MIB1: variants seen among roughly 807,000 people sequenced by gnomAD.
MIB1 encodes the protein E3 ubiquitin-protein ligase MIB1.
In MIB1, 278 loss-of-function variants were observed where a neutral mutation model predicts 124.5. That is an observed-to-expected ratio of 2.23 (90% CI 2.02 to 2.47). The LOEUF is 2.47. Ranked by LOEUF, MIB1 falls within the 30% of genes most tolerant of loss-of-function variation. The pLI is 0.00. For missense variants in MIB1, 957 were observed against 1,254.4 expected (o/e 0.76, Z 3.58); for synonymous variants, 446 against 429.4 (o/e 1.04, Z -0.48).
chr18:21,808,266 T>C (rs954807462), intron 10 of MIB1, among the ~76,000 whole-genome samples: 2 of 152,206 alleles, frequency 1.3e-5, no homozygotes, highest in Middle Eastern at 3.4e-3. Context: ...CTCAAGAGAG[T>C]ATAGATCAGG....
At chr18:21,746,683 A>G (rs1402260437) in intron 1 of MIB1, among the ~76,000 whole-genome samples, 1 of 152,196 alleles carries the variant, frequency 6.6e-6, no homozygotes, top group Non-Finnish European at 1.5e-5. Context: ...AATGGAGAAA[A>G]TGAATGTAGA....
intron 7 of MIB1, among the ~76,000 whole-genome samples, chr18:21,797,693 A>AT (rs923707476): frequency 1.3e-5 from 2 of 151,952 alleles, no homozygotes; most frequent in Non-Finnish European, 2.9e-5. Context: ...TTATTTTTTT[A>AT]TTTTTTGTTT....
In MIB1 at chr18:21,713,923, C is replaced by T. The variant is rs998978557; in HGVS notation, n.167+8800C>T. Among the ~76,000 whole-genome samples the T allele has an allele frequency of 2.0e-5, 3 of 152,070 alleles. 1 individual carries two copies. The highest frequency in any genetic ancestry group is 4.4e-5 in the Non-Finnish European group (3 of 68,024). Reference sequence around the variant, plus strand: ...CCCATTTTCCATTTTTTAAATTACACAGGAAATTCATTAAGTCACATTCCT... The same window carrying T: ...CCCATTTTCCATTTTTTAAATTACATAGGAAATTCATTAAGTCACATTCCT... On this transcript the variant is annotated intron_variant and non_coding_transcript_variant, in intron 1 of 20. Coordinates refer to the MIB1 transcript ENST00000578646.
intron 3 of MIB1, among the ~76,000 whole-genome samples, chr18:21,770,484 T>C (rs2146413361): frequency 6.6e-6 from 1 of 152,302 alleles, no homozygotes; most frequent in South Asian, 2.1e-4. Context: ...TCTTCCTTTT[T>C]GTTTTTCTAA....
Position 21,849,225 on chromosome 18 carries a change from TGATTAGTA to T in MIB1, c.2424_2431del (p.Met808IlefsTer2), listed in dbSNP as rs762382108. The T allele has an allele frequency of 6.3e-7, 1 of 1,592,348 alleles. No individual in the cohort carries two copies. The highest frequency in any genetic ancestry group is 8.5e-7 in the Non-Finnish European group (1 of 1,170,798). ...CAAGTGGGTTCTCGGAGTCCTTCTA[TGATTAGTA>T]ATGATTCTGAAACCTTAGAAGAGTG... On this transcript the variant is annotated frameshift_variant, in exon 17 of 21. Coordinates refer to ENST00000261537, the MANE Select transcript of MIB1 (RefSeq NM_020774.4). LOFTEE classifies it high-confidence loss of function.
chr18:21,766,542 T>C (rs1270582556), intron 2 of MIB1, among the ~76,000 whole-genome samples: 2 of 152,170 alleles, frequency 1.3e-5, no homozygotes, highest in African/African-American at 2.4e-5. Context: ...TCTTCTCATG[T>C]AGATACAGAT....
rs57360671 is a variant in MIB1, at chr18:21,840,627, GTATATATATATATATA to G, written c.1962+2154_1962+2169del. Among the ~76,000 whole-genome samples the G allele has an allele frequency of 9.2e-4, 102 of 110,614 alleles. 1 individual carries two copies. The highest frequency in any genetic ancestry group is 3.5e-3 in the African/African-American group (94 of 27,136). The allele number at this position is 110,614 out of a possible 152,430, so 72.6% of individuals were successfully genotyped here. A position where few individuals can be genotyped will look rare whatever the true frequency, so the allele number is the denominator to read the frequency against. On this transcript the variant is annotated intron_variant, in intron 13 of 20. Transcript: ENST00000261537. The stretch of plus-strand genomic sequence containing the variant: ...AACATTGTGAGATCTCATCTCTACT[GTATATATATATATATA>G]TATATATATATATATATATATATTT...
chr18:21,725,992 C>A (rs143426502), intron 1 of MIB1, among the ~76,000 whole-genome samples: 1 of 152,266 alleles, frequency 6.6e-6, no homozygotes, highest in Admixed American at 6.5e-5. Flanking sequence ...AACTCTCAAA[C>A]AGTTTGTTTT....
intron 1 of MIB1, among the ~76,000 whole-genome samples, chr18:21,729,866 T>C (rs1409030827): frequency 6.6e-6 from 1 of 152,248 alleles, no homozygotes; most frequent in Non-Finnish European, 1.5e-5. Flanking sequence ...TTCTTAATAC[T>C]ATCACATTGG....
intron 10 of MIB1, among the ~76,000 whole-genome samples, chr18:21,810,169 C>T (rs2041754818): frequency 6.6e-6 from 1 of 151,968 alleles, no homozygotes. Flanking sequence ...GAATAAAATA[C>T]TTAGGCATGA....
upstream of MIB1, among the ~76,000 whole-genome samples, chr18:21,738,162 A>G (rs904701347): frequency 5.3e-5 from 8 of 152,164 alleles, no homozygotes; most frequent in African/African-American, 1.2e-4. Context: ...CTAGCTGGTT[A>G]TTCTGCATAA....
intron 20 of MIB1, among the ~76,000 whole-genome samples, chr18:21,860,137 C>G (rs117982127): frequency 0.02 from 1,847 of 90,318 alleles, 28 homozygotes; most frequent in East Asian, 0.085. Context: ...GAGTCTCACT[C>G]TCACCCAGGC....
At chr18:21,746,264 A>G (rs1031985642) in intron 1 of MIB1, among the ~76,000 whole-genome samples, 2 of 152,068 alleles carry the variant, frequency 1.3e-5, no homozygotes, top group African/African-American at 4.8e-5. Context: ...TTCTGATACG[A>G]TTTTTCTCAC....
At chr18:21,768,580 C>T in intron 2 of MIB1, 43 bp from the exon 3 acceptor site, 1 of 1,346,056 alleles carries the variant, frequency 7.4e-7, no homozygotes. Flanking sequence ...ATTATTGTTA[C>T]CTATTTTTAT....
At chr18:21,722,041 T>C (rs1568176073) in intron 1 of MIB1, among the ~76,000 whole-genome samples, 1 of 151,832 alleles carries the variant, frequency 6.6e-6, no homozygotes, top group Non-Finnish European at 1.5e-5. Flanking sequence ...GATAGCTTCT[T>C]AATCTTTCCG....
chr18:21,794,442 C>CCTCTCTCTCTCTCTCTCTCTCT (rs147293733), intron 7 of MIB1, among the ~76,000 whole-genome samples: 1 of 144,868 alleles, frequency 6.9e-6, no homozygotes, highest in Non-Finnish European at 1.5e-5. Flanking sequence ...CATTAAATAG[C>CCTCTCTCTCTCTCTCTCTCTCT]CTCTCTCTCT....
intron 17 of MIB1, 67 bp from the exon 18 acceptor site, chr18:21,853,073 T>G: frequency 2.9e-6 from 3 of 1,030,288 alleles, no homozygotes; most frequent in Non-Finnish European, 4.6e-6. Flanking sequence ...TGGATATAAT[T>G]GAACTTGTTA....
chr18:21,731,393 T>G (rs2040768959), intron 1 of MIB1, among the ~76,000 whole-genome samples: 1 of 152,240 alleles, frequency 6.6e-6, no homozygotes, highest in South Asian at 2.1e-4. Context: ...TGCTGATCTA[T>G]TCACTTGTTG....
At chr18:21,828,055 A>G (rs1314303220) in intron 12 of MIB1, 1 of 152,006 alleles carries the variant, frequency 6.6e-6, no homozygotes, top group Admixed American at 6.6e-5. Context: ...TAAATAATAT[A>G]CAAACTGTGT....
Sources: gnomAD v4.1 joint callset for allele counts (sites outside exome capture counted in the v4.1 genomes callset) on GRCh38, gnomAD v4.1.1 for gene constraint, MANE v1.5 for transcripts, NCBI Gene and HGNC (gene_info 2026-07-23, HGNC 2026-07-21) for gene names.